The following NYX variants were observed in gnomAD, a reference collection of about 807,000 sequenced individuals.
NYX encodes the protein nyctalopin.
For synonymous variants in NYX, 258 were observed against 245.7 expected, an observed-to-expected ratio of 1.05 and a Z score of -0.47; for missense variants, 481 against 485.4, an observed-to-expected ratio of 0.99 and a Z score of 0.09.
At chrX:41,447,802 C>A in intron 1 of NYX, 47 bp from the exon 2 acceptor site, 1 of 981,905 alleles carries the variant, frequency 1.0e-6, no homozygotes, top group Non-Finnish European at 1.4e-6. Flanking sequence ...GGAGGGTTCT[C>A]ATGGGGCCCT....
intron 2 of NYX, chrX:41,472,417 G>A: frequency 3.5e-6 from 4 of 1,148,189 alleles, no homozygotes; most frequent in Non-Finnish European, 4.8e-6. Context: ...GCAATGTGAA[G>A]CTCACCTGAT....
intron 2 of NYX, among the ~76,000 whole-genome samples, chrX:41,457,492 CCG>C (rs1283949699): frequency 1.8e-5 from 2 of 110,162 alleles, no homozygotes; most frequent in Non-Finnish European, 3.8e-5. Context: ...TTGTAAGCCA[CCG>C]AGTCTACGGT....
intron 2 of NYX, among the ~76,000 whole-genome samples, chrX:41,463,020 CT>C (rs141776626): frequency 0.28 from 30,911 of 108,694 alleles, 3,591 homozygotes; most frequent in South Asian, 0.59. Flanking sequence ...TTCTCTCTCT[CT>C]TTTTTTTTGT....
chrX:41,466,444 A>T (rs986082246), intron 2 of NYX, among the ~76,000 whole-genome samples: 3 of 111,446 alleles, frequency 2.7e-5, no homozygotes, highest in East Asian at 2.8e-4. Context: ...AAATAAAAAA[A>T]AAATCCTGAG....
rs745557151 is a variant in NYX, at chrX:41,472,226, C to CT, written c.23-1263dup. ...CATTGGGAGGCCTGGGATACAGTGG[C>CT]TTAGCCTCAAGCAAAAAGGTGAACA... On this transcript the variant is annotated intron_variant, in intron 2 of 2. Coordinates refer to ENST00000378220, the MANE Select transcript of NYX (RefSeq NM_001378477.3). 184 of 866,770 alleles carry CT rather than the reference C, an allele frequency of 2.1e-4. No individual in the cohort carries two copies. In the East Asian group the frequency reaches 5.6e-3, roughly 27 times the overall value. The allele number at this position is 866,770 out of a possible 1,213,427, so 71.4% of individuals were successfully genotyped here. A position where few individuals can be genotyped will look rare whatever the true frequency, so the allele number is the denominator to read the frequency against.
chrX:41,469,547 CT>C (rs5902281), intron 2 of NYX, among the ~76,000 whole-genome samples: 28 of 90,294 alleles, frequency 3.1e-4, no homozygotes, highest in East Asian at 1.7e-3. Context: ...TGACATTCTA[CT>C]TTTTTTTTTT....
Position 41,474,979 on chromosome X carries a change from A to G in NYX, c.*80A>G. The G allele has an allele frequency of 1.1e-6, 1 of 928,833 alleles. No individual in the cohort carries two copies. The highest frequency in any genetic ancestry group is 1.9e-5 in the African/African-American group (1 of 52,205). 76.5% of individuals were successfully genotyped at this position (928,833 alleles called of 1,213,427 possible). A position where few individuals can be genotyped will look rare whatever the true frequency, so the allele number is the denominator to read the frequency against. ...GGGGAGAGGAGCCGGAATGGAGGGC[A>G]GAGGTGAAAATCCCAGTGGAGGGTG... On this transcript the variant is annotated 3_prime_UTR_variant, in exon 3 of 3. Transcript: ENST00000378220.
intron 2 of NYX, among the ~76,000 whole-genome samples, chrX:41,453,087 A>C (rs1010044704): frequency 1.8e-5 from 2 of 112,675 alleles, no homozygotes; most frequent in Admixed American, 1.9e-4. Context: ...ATAAGGCTCA[A>C]GTTCTTTTAA....
Position 41,473,783 on chromosome X carries a change from G to C in NYX, c.315G>C (p.Pro105=). The change falls in exon 3 of 3, where the codon CCG becomes CCC. Residue 105 remains proline (P), a synonymous_variant. Transcript: ENST00000378220. ...FITPGAFKGL[P]RLAELRLAHN... ...CGCCCGGCGCCTTCAAGGGCCTGCC[G>C]CGCCTGGCTGAGCTGCGCCTGGCGC... 8.8e-7 allele frequency: 1 copy of C among 1,139,107 alleles called. No individual in the cohort carries two copies. Among genetic ancestry groups the C allele is most frequent in the Non-Finnish European group, 1.2e-6 (1 of 865,540 alleles). The allele number at this position is 1,139,107 out of a possible 1,213,427, so 93.9% of individuals were successfully genotyped here.
chrX:41,450,648 A>AT lies in NYX; in HGVS notation c.22+2737dup, dbSNP rs143136288. Among the ~76,000 whole-genome samples, 120 of 85,576 alleles carry AT rather than the reference A, an allele frequency of 1.4e-3. 1 individual carries two copies. The highest frequency in any genetic ancestry group is 5.3e-3 in the South Asian group (9 of 1,707). 74.3% of individuals were successfully genotyped at this position (85,576 alleles called of 115,157 possible). The stretch of plus-strand genomic sequence containing the variant: ...CCACTCACACAGCTAGAATGGCTAC[A>AT]TTTTTTTTTTTTTTTGAGACAGGGT... On this transcript the variant is annotated intron_variant, in intron 2 of 2. Coordinates refer to ENST00000378220, the MANE Select transcript of NYX (RefSeq NM_001378477.3).
Position 41,474,957 on chromosome X carries a change from G to C in NYX, c.*58G>C. The stretch of plus-strand genomic sequence containing the variant: ...GGCTTGAGTGTGTTTGTGGTAAGGG[G>C]AGAGGAGCCGGAATGGAGGGCAGAG... On this transcript the variant is annotated 3_prime_UTR_variant, in exon 3 of 3. Transcript: ENST00000378220. The C allele has an allele frequency of 2.9e-6, 3 of 1,039,597 alleles. No homozygotes were observed. Among genetic ancestry groups the C allele is most frequent in the Non-Finnish European group, 4.0e-6 (3 of 754,777 alleles). 85.7% of individuals were successfully genotyped at this position (1,039,597 alleles called of 1,213,427 possible). A position where few individuals can be genotyped will look rare whatever the true frequency, so the allele number is the denominator to read the frequency against.
Position 41,449,574 on chromosome X carries a change from C to G in NYX, c.22+1648C>G, listed in dbSNP as rs944720814. Among the ~76,000 whole-genome samples, 3 of 110,651 alleles carry G rather than the reference C, an allele frequency of 2.7e-5. No homozygotes were observed. In the Admixed American group the frequency reaches 2.9e-4, roughly 11 times the overall value. ...TAACAGTCAACTTCTTGCCATTCCT[C>G]CTACCTTGAAAAAAAAATGAAACTT... On this transcript the variant is annotated intron_variant, in intron 2 of 2. Transcript: ENST00000378220.
rs2064387568 is a variant in NYX, at chrX:41,475,409, G to A, written c.*510G>A. 8.0e-6 allele frequency: 1 copy of A among 124,852 alleles called. No individual in the cohort carries two copies. The highest frequency in any genetic ancestry group is 1.6e-5 in the Non-Finnish European group (1 of 61,632). 10.3% of individuals were successfully genotyped at this position (124,852 alleles called of 1,213,427 possible). ...GAAGGTAGGCAGGACGTGAGAGAAG[G>A]GAGATGGGAGAGAGATTTAAGACAA... is the stretch of plus-strand genomic sequence containing the variant. On this transcript the variant is annotated 3_prime_UTR_variant, in exon 3 of 3. Coordinates refer to ENST00000378220, the MANE Select transcript of NYX (RefSeq NM_001378477.3).
intron 2 of NYX, among the ~76,000 whole-genome samples, chrX:41,457,261 G>A (rs184993168): frequency 3.9e-4 from 39 of 99,881 alleles, no homozygotes; most frequent in African/African-American, 1.2e-3. Flanking sequence ...AGCCGAGATC[G>A]TGTCATTGCA....
Position 41,447,914 on chromosome X carries a change from C to T in NYX, c.10C>T (p.Leu4=), listed in dbSNP as rs1431712348. Residue 4 remains leucine, a synonymous_variant, in exon 2 of 3, where the codon CTG becomes TTG. Transcript: ENST00000378220. Reference sequence around the variant, plus strand: ...GATGAAAGGCCGAGGGATGTTGGTCCTGCTTCTGCATGGTGAGTTCTCCTG... The same window carrying T: ...GATGAAAGGCCGAGGGATGTTGGTCTTGCTTCTGCATGGTGAGTTCTCCTG... The part of the protein sequence containing the change: MLV[L]LLHAVVLGLP... 1 of 1,210,755 alleles carries T rather than the reference C, an allele frequency of 8.3e-7. No individual in the cohort carries two copies. The highest frequency in any genetic ancestry group is 1.7e-5 in the African/African-American group (1 of 57,691).
chrX:41,467,867 C>G (rs2064346276), intron 2 of NYX, among the ~76,000 whole-genome samples: 1 of 110,677 alleles, frequency 9.0e-6, no homozygotes. Context: ...CTATATTGCC[C>G]AGGCTGGTCT....
In NYX at chrX:41,474,313, G is replaced by A; in HGVS notation, c.845G>A (p.Arg282His). The stretch of plus-strand genomic sequence containing the variant: ...GAGCTCGAGCTGCTCTACCTGGACC[G>A]CAACAGCATCGCCTTCGTGGAGGAG... ...LAELELLYLDRNSIAFVEEGA... is the reference protein window; with the variant it reads ...LAELELLYLDHNSIAFVEEGA... Residue 282 changes from arginine (R) to histidine (H), a missense_variant, in exon 3 of 3, where the codon CGC becomes CAC. Coordinates refer to ENST00000378220, the MANE Select transcript of NYX (RefSeq NM_001378477.3). 8.3e-7 allele frequency: 1 copy of A among 1,208,326 alleles called. No homozygotes were observed. The highest frequency in any genetic ancestry group is 1.1e-6 in the Non-Finnish European group (1 of 895,360).
chrX:41,456,074 A>G (rs1273110463), intron 2 of NYX, among the ~76,000 whole-genome samples: 1 of 111,879 alleles, frequency 8.9e-6, no homozygotes. Flanking sequence ...GCGGTGGCTC[A>G]TGCCTGTAAT....
At chrX:41,463,422 C>CTTT (rs58958947) in intron 2 of NYX, among the ~76,000 whole-genome samples, 2 of 95,973 alleles carry the variant, frequency 2.1e-5, no homozygotes, top group Non-Finnish European at 4.1e-5. Flanking sequence ...ATAGTAGTCT[C>CTTT]TTTTTTTTTT....
Sources: allele counts gnomAD v4.1 joint callset (sites outside exome capture counted in the v4.1 genomes callset), GRCh38; gene constraint gnomAD v4.1.1; transcripts MANE v1.5; gene names NCBI Gene and HGNC (gene_info 2026-07-23, HGNC 2026-07-21).